Variants in LAMC1 observed in about 807,000 individuals in gnomAD.
The protein encoded by LAMC1 is laminin subunit gamma 1.
LAMC1 carries 38 observed loss-of-function variants against 173.6 expected under a neutral mutation model. The observed-to-expected ratio is 0.22, with a 90% CI of 0.17 to 0.29. The LOEUF (loss-of-function observed/expected upper bound fraction) is 0.29. Ranked by LOEUF, LAMC1 falls within the 10% of genes least tolerant of loss-of-function variation. The pLI, the probability that LAMC1 is intolerant of heterozygous loss-of-function variation, is 1.00. For synonymous variants in LAMC1, 746 were observed against 749.1 expected (o/e 1.00, Z 0.07); for missense variants, 1,824 against 2,051.8 (o/e 0.89, Z 2.14).
intron 1 of LAMC1, among the ~76,000 whole-genome samples, chr1:183,031,503 C>T (rs1653849255): frequency 6.6e-6 from 1 of 152,062 alleles, no homozygotes; most frequent in Admixed American, 6.6e-5. Flanking sequence ...AGGGTTTTAC[C>T]ATGTTGGTCA....
chr1:183,132,193 T>G (rs1194521970), intron 20 of LAMC1, among the ~76,000 whole-genome samples: 1 of 152,118 alleles, frequency 6.6e-6, no homozygotes, highest in African/African-American at 2.4e-5. Context: ...CTCAGGAGAC[T>G]GAGGTAGGAG....
At chr1:183,045,457 A>G (rs1654243232) in intron 1 of LAMC1, among the ~76,000 whole-genome samples, 1 of 152,040 alleles carries the variant, frequency 6.6e-6, no homozygotes, top group Admixed American at 6.6e-5. Context: ...GGTATTCTAT[A>G]TGTGGTAATT....
chr1:183,102,911 A>T (rs958533350), intron 1 of LAMC1, among the ~76,000 whole-genome samples: 13 of 152,204 alleles, frequency 8.5e-5, no homozygotes, highest in Admixed American at 2.0e-4. Context: ...AGGTTTTTTT[A>T]AAGTCTTAAA....
In LAMC1 at chr1:183,132,385, G is replaced by T. The variant is rs1465253144; in HGVS notation, c.3567-15G>T. The T allele has an allele frequency of 2.5e-6, 4 of 1,578,472 alleles. No individual in the cohort carries two copies. The highest frequency in any genetic ancestry group is 3.5e-5 in the Admixed American group (2 of 57,490). ...ATGGTTGTTTCATGGCTTATTTTTTGTTTTATCTGTATAGTCATAAACAGG... is the reference window on the plus strand; with the variant it reads ...ATGGTTGTTTCATGGCTTATTTTTTTTTTTATCTGTATAGTCATAAACAGG... On this transcript the variant is annotated splice_polypyrimidine_tract_variant and intron_variant, in intron 20 of 27. Transcript: ENST00000258341.
At chr1:183,026,172 T>C (rs986953327) in intron 1 of LAMC1, among the ~76,000 whole-genome samples, 7 of 152,240 alleles carry the variant, frequency 4.6e-5, no homozygotes, top group Non-Finnish European at 8.8e-5. Context: ...TAAATGAAAT[T>C]CATAAAACTA....
At chr1:183,026,414 C>T (rs146693477) in intron 1 of LAMC1, among the ~76,000 whole-genome samples, 2 of 152,020 alleles carry the variant, frequency 1.3e-5, no homozygotes, top group African/African-American at 4.8e-5. Context: ...CCTCCCCCCC[C>T]CTTTAATGAC....
intron 1 of LAMC1, among the ~76,000 whole-genome samples, chr1:183,045,595 T>TTTG (rs573280857): frequency 5.9e-5 from 9 of 152,050 alleles, no homozygotes; most frequent in African/African-American, 1.2e-4. Context: ...TGATGGATTT[T>TTTG]TTGTTGTTGT....
rs200840404 is a variant in LAMC1, at chr1:183,128,474, A to T, written c.3124-120A>T. ...AACTTAAAGTATAATAATAATTAAA[A>T]AAAAAAAAAAAGAACTACATATTCA... On this transcript the variant is annotated intron_variant, in intron 17 of 27. Coordinates refer to ENST00000258341, the MANE Select transcript of LAMC1 (RefSeq NM_002293.4). 263,874 of 565,510 alleles carry T rather than the reference A, an allele frequency of 0.47. 48,676 individuals are homozygous for T. The highest frequency in any genetic ancestry group is 0.54 in the South Asian group (13,992 of 25,710). 35.0% of individuals were successfully genotyped at this position (565,510 alleles called of 1,614,324 possible).
chr1:183,074,477 G>C (rs944312564), intron 1 of LAMC1, among the ~76,000 whole-genome samples: 1 of 152,216 alleles, frequency 6.6e-6, no homozygotes, highest in Non-Finnish European at 1.5e-5. Context: ...TGCCACTCTT[G>C]ACAGGGTCCT....
At position 183,103,416 on chromosome 1, in the gene LAMC1, CG is replaced by C; in HGVS notation, c.510del (p.Trp172GlyfsTer73). 6.2e-7 allele frequency: 1 copy of C among 1,614,172 alleles called. No individual in the cohort carries two copies. Among genetic ancestry groups the C allele is most frequent in the South Asian group, 1.1e-5 (1 of 91,086 alleles). On this transcript the variant is annotated frameshift_variant, in exon 2 of 28. Coordinates refer to ENST00000258341, the MANE Select transcript of LAMC1 (RefSeq NM_002293.4). LOFTEE classifies it high-confidence loss of function. ...CCATTTACAAGCGCACACGGGAAGA[CG>C]GGCCCTGGATTCCTTACCAGTACTA... ...FAIYKRTRED[G>X]PWIPYQYYSG... is the part of the protein sequence containing the mutation.
chr1:183,129,065 G>A (rs947826593), intron 18 of LAMC1, among the ~76,000 whole-genome samples: 1 of 147,736 alleles, frequency 6.8e-6, no homozygotes. Flanking sequence ...ATCATTAAAG[G>A]CATGCGTCTT....
intron 1 of LAMC1, among the ~76,000 whole-genome samples, chr1:183,027,171 A>G (rs1558025529): frequency 6.6e-6 from 1 of 152,202 alleles, no homozygotes; most frequent in Non-Finnish European, 1.5e-5. Flanking sequence ...CTTAAGCACC[A>G]TACACAGTCA....
chr1:183,096,645 A>G (rs1655700761), intron 1 of LAMC1: 1 of 152,226 alleles, frequency 6.6e-6, no homozygotes, highest in African/African-American at 2.4e-5. Context: ...ATTTGTTGTC[A>G]TAAATTTAGT....
chr1:183,140,380 CTT>C (rs777071184), intron 26 of LAMC1, 22 bp from the exon 27 acceptor site: 10 of 1,491,314 alleles, frequency 6.7e-6, no homozygotes, highest in Admixed American at 1.7e-5. Context: ...AGTCAAGACT[CTT>C]TGCCTCATTT....
At position 183,134,457 on chromosome 1, in the gene LAMC1, A is replaced by G. The variant is rs1293487947; in HGVS notation, c.3850-203A>G. On this transcript the variant is annotated intron_variant, in intron 22 of 27. Transcript: ENST00000258341. ...GTTATGCAGAAATGCATTTGTCAAA[A>G]CTCATCAAACTATATGTGGATTCTG... 2.0e-5 allele frequency among the ~76,000 whole-genome samples: 3 copies of G among 152,166 alleles called. No homozygotes were observed. In the East Asian group the frequency reaches 5.8e-4, roughly 29 times the overall value.
chr1:183,113,467 A>G (rs1416182205), intron 4 of LAMC1, among the ~76,000 whole-genome samples: 3 of 152,368 alleles, frequency 2.0e-5, no homozygotes, highest in East Asian at 3.9e-4. Flanking sequence ...ACTCTTCAAG[A>G]TACTGTCTAC....
chr1:183,081,178 G>A (rs1415960407), intron 1 of LAMC1, among the ~76,000 whole-genome samples: 4 of 152,032 alleles, frequency 2.6e-5, no homozygotes, highest in African/African-American at 9.7e-5. Flanking sequence ...GTCAGCCACC[G>A]CGCCCGGCCT....
Position 183,121,861 on chromosome 1 carries a change from G to A in LAMC1, c.2129G>A (p.Arg710Lys), listed in dbSNP as rs1656483578. 1 of 1,614,196 alleles carries A rather than the reference G, an allele frequency of 6.2e-7. No homozygotes were observed. Among genetic ancestry groups the A allele is most frequent in the Non-Finnish European group, 8.5e-7 (1 of 1,180,030 alleles). The change falls in exon 12 of 28, where the codon AGA becomes AAA. Residue 710 changes from arginine to lysine, a missense_variant. Transcript: ENST00000258341. ...GAGATGTGCCTCTCAGGTTACAGAAGAGAAACTCCTAATCTTGGACCATAC... is the reference window on the plus strand; with the variant it reads ...GAGATGTGCCTCTCAGGTTACAGAAAAGAAACTCCTAATCTTGGACCATAC... Reference protein sequence around the residue: ...FCEMCLSGYRRETPNLGPYSP... With the variant: ...FCEMCLSGYRKETPNLGPYSP...
At chr1:183,112,961 C>A (rs781089571) in intron 4 of LAMC1, among the ~76,000 whole-genome samples, 1 of 152,018 alleles carries the variant, frequency 6.6e-6, no homozygotes, top group Non-Finnish European at 1.5e-5. Flanking sequence ...AGGTGGGAGA[C>A]TCATTTGGGA....
Sources: gnomAD v4.1 joint callset for allele counts (sites outside exome capture counted in the v4.1 genomes callset) on GRCh38, gnomAD v4.1.1 for gene constraint, MANE v1.5 for transcripts, NCBI Gene and HGNC (gene_info 2026-07-23, HGNC 2026-07-21) for gene names.